The following ASTN2 variants were observed in gnomAD, a reference collection of about 807,000 sequenced individuals.
The protein encoded by ASTN2 is astrotactin 2.
In ASTN2, 54 loss-of-function variants were observed where a neutral mutation model predicts 139.8. The ratio of observed to expected loss-of-function variants is 0.39; its 90% CI spans 0.31 to 0.48. The LOEUF (loss-of-function observed/expected upper bound fraction) is 0.48. ASTN2 is among the 20% of genes least tolerant of loss of function. The pLI, the probability that ASTN2 is intolerant of heterozygous loss-of-function variation, is 0.95. For synonymous variants in ASTN2, 756 were observed against 719.5 expected, an observed-to-expected ratio of 1.05 and a Z score of -0.81; for missense variants, 1,565 against 1,725.1, an observed-to-expected ratio of 0.91 and a Z score of 1.64.
chr9:116,910,881 G>T (rs889376128), intron 10 of ASTN2, among the ~76,000 whole-genome samples: 8 of 152,186 alleles, frequency 5.3e-5, no homozygotes, highest in Non-Finnish European at 1.0e-4. Flanking sequence ...AGCGGACTGG[G>T]ATTCTTACGA....
chr9:116,889,800 A>C (rs1833716601), intron 10 of ASTN2, among the ~76,000 whole-genome samples: 1 of 151,810 alleles, frequency 6.6e-6, no homozygotes, highest in East Asian at 1.9e-4. Flanking sequence ...ATGTGGTGGC[A>C]CATGCCTGTA....
chr9:117,004,034 T>C (rs1487558649), intron 7 of ASTN2, among the ~76,000 whole-genome samples: 1 of 21,344 alleles, frequency 4.7e-5, no homozygotes, highest in African/African-American at 5.3e-5. Flanking sequence ...AATATCTTGA[T>C]TAAAAAAAAG....
chr9:116,722,776 T>C (rs1161986776), intron 16 of ASTN2, among the ~76,000 whole-genome samples: 1 of 152,156 alleles, frequency 6.6e-6, no homozygotes, highest in Admixed American at 6.5e-5. Context: ...CAACCTACTC[T>C]ACCGAGTTTG....
At chr9:117,406,888 ACACAC>A (rs1831010015) in intron 1 of ASTN2, among the ~76,000 whole-genome samples, 1 of 148,156 alleles carries the variant, frequency 6.7e-6, no homozygotes, top group African/African-American at 2.6e-5. Context: ...ACACACACAC[ACACAC>A]ACACACAACA....
At chr9:117,040,585 A>C (rs1838534344) in intron 5 of ASTN2, among the ~76,000 whole-genome samples, 1 of 152,072 alleles carries the variant, frequency 6.6e-6, no homozygotes, top group African/African-American at 2.4e-5. Context: ...CAGCCTCCTG[A>C]GTAGCTGGGA....
At chr9:117,223,949 A>G (rs955874019) in intron 2 of ASTN2, among the ~76,000 whole-genome samples, 1 of 152,198 alleles carries the variant, frequency 6.6e-6, no homozygotes, top group African/African-American at 2.4e-5. Flanking sequence ...ATAATGCCAA[A>G]GGAGTAAAGT....
At chr9:116,578,208 G>A (rs1447799191) in intron 19 of ASTN2, among the ~76,000 whole-genome samples, 1 of 152,112 alleles carries the variant, frequency 6.6e-6, no homozygotes, top group South Asian at 2.1e-4. Context: ...GGGGCAGTGA[G>A]CCCAGAGACG....
intron 6 of ASTN2, among the ~76,000 whole-genome samples, chr9:117,015,087 T>G (rs1383780518): frequency 2.0e-5 from 3 of 152,146 alleles, no homozygotes; most frequent in African/African-American, 7.2e-5. Flanking sequence ...GATGACTCAC[T>G]GCAGCCTCGA....
intron 1 of ASTN2, among the ~76,000 whole-genome samples, chr9:117,366,246 C>T (rs1397643507): frequency 6.6e-6 from 1 of 152,016 alleles, no homozygotes; most frequent in Non-Finnish European, 1.5e-5. Flanking sequence ...ATCATGCTGA[C>T]AATGGCAATG....
intron 2 of ASTN2, among the ~76,000 whole-genome samples, chr9:117,243,373 T>C (rs745485790): frequency 6.6e-6 from 1 of 152,364 alleles, no homozygotes; most frequent in Non-Finnish European, 1.5e-5. Flanking sequence ...CCAACTTGCC[T>C]GAGGCCACCC....
chr9:116,625,539 T>C (rs961734093), intron 17 of ASTN2, among the ~76,000 whole-genome samples: 6 of 152,176 alleles, frequency 3.9e-5, no homozygotes, highest in Non-Finnish European at 8.8e-5. Context: ...CCCACTCTCA[T>C]GTTGCCTTCT....
intron 17 of ASTN2, among the ~76,000 whole-genome samples, chr9:116,635,818 C>G (rs184863445): frequency 2.6e-5 from 4 of 152,270 alleles, no homozygotes; most frequent in Admixed American, 2.6e-4. Flanking sequence ...AAGAAAAGGG[C>G]TTTGAATTGA....
rs1454869659 is a variant in ASTN2 at position 117,385,871 on chromosome 9, A to G, written c.442+28626T>C. Among the ~76,000 whole-genome samples, 3 of 152,224 alleles carry G rather than the reference A, an allele frequency of 2.0e-5. No homozygotes were observed. The East Asian group carries it at 5.8e-4, about 29-fold the overall frequency. On this transcript the variant is annotated intron_variant, in intron 1 of 22. Transcript: ENST00000313400. ...TCTCTGCACCTAGGAGTTATATTTC[A>G]TGATCAAAAGAGGATGAAGCTGGGG... is the stretch of plus-strand genomic sequence containing the variant.
At chr9:117,254,522 C>T (rs1335970154) in intron 2 of ASTN2, among the ~76,000 whole-genome samples, 1 of 152,100 alleles carries the variant, frequency 6.6e-6, no homozygotes, top group Non-Finnish European at 1.5e-5. Flanking sequence ...AAATGGGGAT[C>T]GTTTATGGTT....
At chr9:117,144,379 T>C (rs1029274007) in intron 3 of ASTN2, among the ~76,000 whole-genome samples, 2 of 152,168 alleles carry the variant, frequency 1.3e-5, no homozygotes, top group Admixed American at 6.5e-5. Flanking sequence ...GGACATGATG[T>C]TTGAATGTTA....
chr9:116,920,708 C>T (rs921458443), intron 10 of ASTN2, among the ~76,000 whole-genome samples: 10 of 152,150 alleles, frequency 6.6e-5, no homozygotes, highest in African/African-American at 1.7e-4. Flanking sequence ...ACCAGGACCC[C>T]GGTATGTGTT....
intron 7 of ASTN2, among the ~76,000 whole-genome samples, chr9:117,003,064 G>C (rs929021018): frequency 7.2e-5 from 11 of 152,188 alleles, no homozygotes; most frequent in Non-Finnish European, 1.5e-4. Context: ...AGGCATGCGA[G>C]GGCATGGTGC....
intron 16 of ASTN2, among the ~76,000 whole-genome samples, chr9:116,659,389 G>A (rs1360286372): frequency 1.3e-5 from 2 of 152,102 alleles, no homozygotes; most frequent in Non-Finnish European, 2.9e-5. Context: ...TGTCCCACTA[G>A]TGTAATGCTT....
intron 19 of ASTN2, among the ~76,000 whole-genome samples, chr9:116,497,375 G>A (rs1021535561): frequency 6.6e-6 from 1 of 152,132 alleles, no homozygotes; most frequent in African/African-American, 2.4e-5. Flanking sequence ...ACACCCTCTA[G>A]GCGCCAGGGA....
Sources: allele counts gnomAD v4.1 joint callset (sites outside exome capture counted in the v4.1 genomes callset), GRCh38; gene constraint gnomAD v4.1.1; transcripts MANE v1.5; gene names NCBI Gene and HGNC (gene_info 2026-07-23, HGNC 2026-07-21).